Variants in ADAMTSL3 observed in about 807,000 individuals in gnomAD.
ADAMTSL3 encodes the protein ADAMTS-like protein 3.
In ADAMTSL3, 128 loss-of-function variants were observed where a neutral mutation model predicts 201.7. That is an observed-to-expected ratio of 0.63 (90% confidence interval 0.55 to 0.73). ADAMTSL3 has a LOEUF of 0.73. Ranked by LOEUF, ADAMTSL3 falls within the 30% of genes least tolerant of loss-of-function variation. ADAMTSL3 has a pLI of 0.00. For synonymous variants in ADAMTSL3, 738 were observed against 748.4 expected (o/e 0.99, Z 0.23); for missense variants, 1,990 against 2,119.6 (o/e 0.94, Z 1.20).
intron 4 of ADAMTSL3, among the ~76,000 whole-genome samples, chr15:83,779,479 A>C (rs2063131519): frequency 6.6e-6 from 1 of 152,096 alleles, no homozygotes; most frequent in Admixed American, 6.5e-5. Context: ...TGGGAGGATC[A>C]CAAGGTCAGG....
chr15:83,931,513 A>G (rs1385467957), intron 17 of ADAMTSL3, among the ~76,000 whole-genome samples: 1 of 152,228 alleles, frequency 6.6e-6, no homozygotes, highest in African/African-American at 2.4e-5. Context: ...ATGTAGTCCA[A>G]TTGTCATCCA....
chr15:84,037,941 AAC>A lies in ADAMTSL3; in HGVS notation c.*138_*139del. On this transcript the variant is annotated 3_prime_UTR_variant, in exon 30 of 30. Coordinates refer to ENST00000286744, the MANE Select transcript of ADAMTSL3 (RefSeq NM_207517.3). ...TGGATCAAACAGAGGTTGATGCAAA[AAC>A]ACCACTGTTAAGGTGTAAAGTGAAA... 2.3e-6 allele frequency: 3 copies of A among 1,305,646 alleles called. No individual in the cohort carries two copies. The highest frequency in any genetic ancestry group is 3.0e-6 in the Non-Finnish European group (3 of 987,420). 80.9% of individuals were successfully genotyped at this position (1,305,646 alleles called of 1,614,324 possible). A position where few individuals can be genotyped will look rare whatever the true frequency, so the allele number is the denominator to read the frequency against.
chr15:83,777,249 G>T (rs2063092374), intron 4 of ADAMTSL3, among the ~76,000 whole-genome samples: 1 of 152,180 alleles, frequency 6.6e-6, no homozygotes, highest in Admixed American at 6.5e-5. Context: ...AGGACCCCCG[G>T]CACCTGGTAG....
chr15:83,957,319 G>T (rs1194614297), intron 19 of ADAMTSL3, among the ~76,000 whole-genome samples: 2 of 152,096 alleles, frequency 1.3e-5, no homozygotes, highest in South Asian at 2.1e-4. Context: ...AAGGCTTTAG[G>T]GTATTGGATT....
At chr15:83,698,105 G>A (rs1278422886) in intron 2 of ADAMTSL3, among the ~76,000 whole-genome samples, 1 of 152,104 alleles carries the variant, frequency 6.6e-6, no homozygotes, top group Non-Finnish European at 1.5e-5. Flanking sequence ...TTCTCCTATG[G>A]CCCCTATTGC....
intron 5 of ADAMTSL3, among the ~76,000 whole-genome samples, chr15:83,818,542 G>C (rs895043650): frequency 6.6e-6 from 1 of 152,160 alleles, no homozygotes; most frequent in South Asian, 2.1e-4. Context: ...GGCCAGGCTG[G>C]TCTGGAGCTC....
At chr15:84,023,663 G>C (rs1276153345) in intron 26 of ADAMTSL3, among the ~76,000 whole-genome samples, 1 of 152,190 alleles carries the variant, frequency 6.6e-6, no homozygotes, top group Non-Finnish European at 1.5e-5. Flanking sequence ...AACGCGGAGA[G>C]AATCCACATT....
chr15:83,676,733 G>A (rs2061411105), intron 2 of ADAMTSL3, among the ~76,000 whole-genome samples: 1 of 152,160 alleles, frequency 6.6e-6, no homozygotes, highest in Non-Finnish European at 1.5e-5. Context: ...TTAGGAAGTG[G>A]GAGGTGATCA....
At chr15:83,929,551 TCA>T (rs749873791) in intron 17 of ADAMTSL3, among the ~76,000 whole-genome samples, 1 of 152,140 alleles carries the variant, frequency 6.6e-6, no homozygotes, top group Non-Finnish European at 1.5e-5. Flanking sequence ...CCGAATAAGG[TCA>T]CAGTCACAAG....
chr15:84,028,264 A>G (rs554202796), intron 27 of ADAMTSL3, among the ~76,000 whole-genome samples: 1 of 152,344 alleles, frequency 6.6e-6, no homozygotes, highest in South Asian at 2.1e-4. Context: ...TTAGCCAAAA[A>G]AAGAAAAAAG....
chr15:83,779,652 C>T (rs1207253649), intron 4 of ADAMTSL3, among the ~76,000 whole-genome samples: 5 of 141,740 alleles, frequency 3.5e-5, no homozygotes, highest in African/African-American at 1.1e-4. Flanking sequence ...GAGCCGAGAT[C>T]GCAACACTGC....
chr15:83,965,540 C>G (rs950598842), intron 19 of ADAMTSL3, among the ~76,000 whole-genome samples: 1 of 152,206 alleles, frequency 6.6e-6, no homozygotes. Context: ...AAAGCAAGTT[C>G]TTAGAGACCT....
intron 4 of ADAMTSL3, among the ~76,000 whole-genome samples, chr15:83,799,867 T>TA (rs1418454037): frequency 6.6e-6 from 1 of 152,226 alleles, no homozygotes; most frequent in African/African-American, 2.4e-5. Flanking sequence ...GCAGCTTAGT[T>TA]GCTTTGGCCC....
intron 8 of ADAMTSL3, chr15:83,861,867 C>T (rs2064870546): frequency 6.6e-6 from 1 of 152,152 alleles, no homozygotes; most frequent in South Asian, 2.1e-4. Flanking sequence ...AAGTTAAAAA[C>T]CTTGAAAACA....
intron 25 of ADAMTSL3, among the ~76,000 whole-genome samples, chr15:84,020,677 G>A (rs17158445): frequency 0.086 from 13,117 of 152,204 alleles, 677 homozygotes; most frequent in East Asian, 0.2. Context: ...CACCTTCTGT[G>A]ATCACACACA....
rs2061048689 is a variant in ADAMTSL3 at position 83,654,465 on chromosome 15, T to TTGGGCG, written c.-34+189_-34+190insTGGGCG. Among the ~76,000 whole-genome samples the TTGGGCG allele has an allele frequency of 6.6e-6, 1 of 151,862 alleles. No individual in the cohort carries two copies. Among genetic ancestry groups the TTGGGCG allele is most frequent in the Non-Finnish European group, 1.5e-5 (1 of 67,970 alleles). ...GCTCCTCACTGCTGGGCACCTCGGG[T>TTGGGCG]CGGGCGCGCTTCGTGCCGTCCCGGA... On this transcript the variant is annotated intron_variant, in intron 1 of 29. Transcript: ENST00000286744. This position sits in a 1 kb window ranked among gnomAD's most constrained non-coding sequence, Gnocchi z 5.3.
At chr15:83,975,100 C>T (rs2067262193) in intron 20 of ADAMTSL3, among the ~76,000 whole-genome samples, 1 of 148,134 alleles carries the variant, frequency 6.8e-6, no homozygotes, top group Admixed American at 6.9e-5. Context: ...CTCCCGGGTT[C>T]ACGCCATTCT....
At chr15:83,960,208 A>T (rs2066939917) in intron 19 of ADAMTSL3, among the ~76,000 whole-genome samples, 3 of 152,334 alleles carry the variant, frequency 2.0e-5, no homozygotes, top group African/African-American at 7.2e-5. Flanking sequence ...AGGCATTTTT[A>T]AAAATTCCAT....
chr15:83,847,600 A>G (rs920453637), intron 7 of ADAMTSL3, among the ~76,000 whole-genome samples: 1 of 150,268 alleles, frequency 6.7e-6, no homozygotes, highest in Non-Finnish European at 1.5e-5. Flanking sequence ...GGTTCAAGTG[A>G]TTCTCCTGCC....
Sources: allele counts gnomAD v4.1 joint callset (sites outside exome capture counted in the v4.1 genomes callset), GRCh38; gene constraint gnomAD v4.1.1; non-coding constraint Gnocchi (gnomAD v3.1); transcripts MANE v1.5; gene names NCBI Gene and HGNC (gene_info 2026-07-23, HGNC 2026-07-21).